FAM161A: variants seen among roughly 807,000 people sequenced by gnomAD.
FAM161A encodes FAM161 centrosomal protein A, also known as protein FAM161A.
A neutral mutation model predicts 70.9 loss-of-function variants in FAM161A; 57 were observed. The ratio of observed to expected loss-of-function variants is 0.80; its 90% CI spans 0.65 to 1.00. The LOEUF (loss-of-function observed/expected upper bound fraction) is 1.00. FAM161A is among the 50% of genes least tolerant of loss of function. The probability of loss-of-function intolerance (pLI) is 0.00; values close to 1 mark genes in which losing one functional copy is unlikely to be tolerated. For synonymous variants in FAM161A, 299 were observed against 295.7 expected (o/e 1.01, Z -0.12); for missense variants, 880 against 836.0 (o/e 1.05, Z -0.65).
the FAM161A span, among the ~76,000 whole-genome samples, chr2:61,813,003 C>T: frequency 3.3e-5 from 5 of 151,924 alleles, no homozygotes; most frequent in Non-Finnish European, 7.4e-5. Context: ...GCAGAGCTTG[C>T]AGTGAGCCGA....
the FAM161A span, among the ~76,000 whole-genome samples, chr2:61,815,782 C>T: frequency 6.6e-6 from 1 of 151,718 alleles, no homozygotes; most frequent in Non-Finnish European, 1.5e-5. Flanking sequence ...AATTCCTGAC[C>T]TCAAGTGATC....
the FAM161A span, among the ~76,000 whole-genome samples, chr2:61,810,668 C>T: frequency 1.5e-4 from 23 of 151,966 alleles, no homozygotes; most frequent in African/African-American, 5.3e-4. Context: ...CCATGTTGGT[C>T]AGGCTTGTCT....
intron 1 of FAM161A, among the ~76,000 whole-genome samples, chr2:61,851,019 C>T (rs558022327): frequency 6.6e-6 from 1 of 152,198 alleles, no homozygotes; most frequent in South Asian, 2.1e-4. Context: ...AGATTACAGG[C>T]ATGTGCCACC....
chr2:61,800,557 C>A, the FAM161A span, among the ~76,000 whole-genome samples: 1 of 152,118 alleles, frequency 6.6e-6, no homozygotes, highest in Non-Finnish European at 1.5e-5. Flanking sequence ...AAGGGAAGGA[C>A]AATGGGCATG....
chr2:61,852,493 A>C (rs1273215114), intron 1 of FAM161A, among the ~76,000 whole-genome samples: 1 of 152,226 alleles, frequency 6.6e-6, no homozygotes, highest in Non-Finnish European at 1.5e-5. Context: ...GTTATTTTAC[A>C]GATAAGGAAA....
chr2:61,831,266 T>G (rs1352862822), intron 5 of FAM161A, among the ~76,000 whole-genome samples: 1 of 152,174 alleles, frequency 6.6e-6, no homozygotes, highest in Non-Finnish European at 1.5e-5. Context: ...ATTTAGCATT[T>G]ATTTACTTTC....
intron 5 of FAM161A, 78 bp from the exon 6 acceptor site, chr2:61,827,336 C>G: frequency 6.1e-6 from 9 of 1,467,692 alleles, no homozygotes; most frequent in African/African-American, 1.4e-5. Flanking sequence ...TTAGGCCAGG[C>G]GCGGTGGCTC....
intron 5 of FAM161A, among the ~76,000 whole-genome samples, chr2:61,833,620 A>G (rs765062924): frequency 3.9e-5 from 6 of 152,190 alleles, no homozygotes; most frequent in South Asian, 2.1e-4. Context: ...ATCCTCACCT[A>G]CCATATCAAT....
In FAM161A at chr2:61,826,206, TA is replaced by T. The variant is rs146249980; in HGVS notation, c.*248del. The T allele has an allele frequency of 0.19, 121,858 of 627,140 alleles. 13,386 individuals carry two copies. Among genetic ancestry groups the T allele is most frequent in the Middle Eastern group, 0.26 (619 of 2,352 alleles). The allele number at this position is 627,140 out of a possible 1,614,324, so 38.8% of individuals were successfully genotyped here. A position where few individuals can be genotyped will look rare whatever the true frequency, so the allele number is the denominator to read the frequency against. On this transcript the variant is annotated 3_prime_UTR_variant, in exon 7 of 7. Coordinates refer to ENST00000404929, the MANE Select transcript of FAM161A (RefSeq NM_001201543.2). ...TGTGACAGCTGTGGTTCTCACTTTT[TA>T]AAAATACAAAATCATAGTTGCAAAC...
the FAM161A span, among the ~76,000 whole-genome samples, chr2:61,817,257 C>T: frequency 2.0e-5 from 3 of 152,118 alleles, no homozygotes; most frequent in South Asian, 2.1e-4. Flanking sequence ...AAAACCAGTC[C>T]TCACAAAACA....
Position 61,824,997 on chromosome 2 carries a change from C to T in FAM161A, c.*1458G>A, listed in dbSNP as rs185576414. The T allele has an allele frequency of 1.4e-4, 65 of 452,788 alleles. No individual in the cohort carries two copies. The highest frequency in any genetic ancestry group is 8.8e-4 in the African/African-American group (44 of 49,994). The allele number at this position is 452,788 out of a possible 1,614,324, so 28.0% of individuals were successfully genotyped here. A position where few individuals can be genotyped will look rare whatever the true frequency, so the allele number is the denominator to read the frequency against. Reference sequence around the variant, plus strand: ...AATAATAGTAAAAAGTAATTTAACACGAACTGTAGGAAGAAAATTACAAGT... The same window carrying T: ...AATAATAGTAAAAAGTAATTTAACATGAACTGTAGGAAGAAAATTACAAGT... On this transcript the variant is annotated 3_prime_UTR_variant, in exon 7 of 7. Transcript: ENST00000404929.
At chr2:61,822,582 A>C (rs146381179), downstream of FAM161A, among the ~76,000 whole-genome samples, 32 of 152,212 alleles carry the variant, frequency 2.1e-4, no homozygotes, top group Non-Finnish European at 4.3e-4. Flanking sequence ...AATTTTTATA[A>C]AGTTATTTTT....
rs775705244 is a variant in FAM161A, at chr2:61,840,268, T to C, written c.736A>G (p.Ile246Val). 2 of 1,614,150 alleles carry C rather than the reference T, an allele frequency of 1.2e-6. No individual in the cohort carries two copies. The highest frequency in any genetic ancestry group is 8.5e-7 in the Non-Finnish European group (1 of 1,180,012). The part of the protein sequence containing the change: ...ITVPEPFQMM[I>V]REQKKKEESM... ...TCTTCTTTTTTCTTCTGTTCTCTTA[T>C]CATCATTTGAAAAGGCTCCGGTACT... Residue 246 changes from isoleucine (I) to valine (V), a missense_variant, in exon 3 of 7, where the codon ATA becomes GTA. Ile to Val is a conservative substitution (Grantham distance 29). Coordinates refer to ENST00000404929, the MANE Select transcript of FAM161A (RefSeq NM_001201543.2).
At chr2:61,812,390 T>C in the FAM161A span, among the ~76,000 whole-genome samples, 253 of 152,330 alleles carry the variant, frequency 1.7e-3, 3 homozygotes, top group African/African-American at 5.8e-3. Context: ...GTTAGTGCTC[T>C]GGTTAAAATG....
chr2:61,842,360 C>T lies in FAM161A; in HGVS notation c.184G>A (p.Ala62Thr), dbSNP rs372043055. The T allele has an allele frequency of 3.9e-6, 6 of 1,546,342 alleles. No homozygotes were observed. In the Admixed American group the frequency reaches 5.9e-5, roughly 15 times the overall value. Reference protein sequence around the residue: ...EKVAQPAGASADLNTSFSGVD... With the variant: ...EKVAQPAGASTDLNTSFSGVD... The stretch of plus-strand genomic sequence containing the variant: ...CCAGAAAAGCTGGTGTTCAAATCAG[C>T]CTGGTGGGGAGAAAACACTTGATAT... Residue 62 changes from alanine to threonine, a missense_variant and splice_region_variant, in exon 2 of 7, where the codon GCT (alanine) becomes ACT (threonine). Coordinates refer to ENST00000404929, the MANE Select transcript of FAM161A (RefSeq NM_001201543.2).
chr2:61,849,274 T>G (rs1385079943), intron 1 of FAM161A, among the ~76,000 whole-genome samples: 1 of 147,900 alleles, frequency 6.8e-6, no homozygotes, highest in East Asian at 2.0e-4. Context: ...AGGGAGTAGG[T>G]ATTCATATTT....
chr2:61,821,497 A>G (rs942615855), downstream of FAM161A, among the ~76,000 whole-genome samples: 1 of 152,200 alleles, frequency 6.6e-6, no homozygotes, highest in Non-Finnish European at 1.5e-5. Context: ...AGATATCTAA[A>G]TATTAGTATA....
At chr2:61,849,954 C>T (rs1346489561) in intron 1 of FAM161A, among the ~76,000 whole-genome samples, 3 of 120,068 alleles carry the variant, frequency 2.5e-5, no homozygotes, top group Non-Finnish European at 3.3e-5. Context: ...ACAGACACTG[C>T]GGGCTACCAC....
At chr2:61,827,609 CAA>C (rs71644452) in intron 5 of FAM161A, among the ~76,000 whole-genome samples, 5 of 107,884 alleles carry the variant, frequency 4.6e-5, no homozygotes, top group Non-Finnish European at 5.3e-5. Flanking sequence ...GACTCTGTCT[CAA>C]AAAAAAAAAA....
Sources: gnomAD v4.1 joint callset for allele counts (sites outside exome capture counted in the v4.1 genomes callset) on GRCh38, gnomAD v4.1.1 for gene constraint, MANE v1.5 for transcripts, NCBI Gene and HGNC (gene_info 2026-07-23, HGNC 2026-07-21) for gene names.